Variants in RNGTT observed in about 807,000 individuals in gnomAD.
The protein encoded by RNGTT is RNA guanylyltransferase and 5'-phosphatase, also known as mRNA-capping enzyme.
In RNGTT, 33 loss-of-function variants were observed where a neutral mutation model predicts 79.3. The ratio of observed to expected loss-of-function variants is 0.42; its 90% CI spans 0.32 to 0.56. The LOEUF (loss-of-function observed/expected upper bound fraction) is 0.56, where lower values mean the gene tolerates loss of function less well. Among genes scored for constraint, RNGTT ranks in the 20% least tolerant of loss-of-function variants. RNGTT has a pLI of 0.17. For missense variants in RNGTT, 497 were observed against 739.1 expected, an observed-to-expected ratio of 0.67 and a Z score of 3.80; for synonymous variants, 222 against 235.9, an observed-to-expected ratio of 0.94 and a Z score of 0.54.
chr6:88,614,078 A>G (rs960718513), intron 15 of RNGTT, among the ~76,000 whole-genome samples, 194 bp downstream of exon 15: 2 of 152,250 alleles, frequency 1.3e-5, no homozygotes, highest in African/African-American at 4.8e-5. Flanking sequence ...CAAGATCACC[A>G]GTTTAGAGAG....
chr6:88,890,191 G>A (rs1364455334), intron 8 of RNGTT, among the ~76,000 whole-genome samples: 2 of 152,052 alleles, frequency 1.3e-5, no homozygotes, highest in Admixed American at 1.3e-4. Context: ...AAACAAGGCA[G>A]TGGGCAGCAG....
intron 12 of RNGTT, among the ~76,000 whole-genome samples, chr6:88,787,072 TA>T (rs1314894292): frequency 2.0e-5 from 3 of 152,234 alleles, no homozygotes; most frequent in African/African-American, 7.2e-5. Context: ...CTGTTGTTTA[TA>T]AGCCACTCGG....
chr6:88,893,811 C>A (rs1257250152), intron 6 of RNGTT, among the ~76,000 whole-genome samples: 2 of 151,108 alleles, frequency 1.3e-5, no homozygotes, highest in African/African-American at 4.9e-5. Flanking sequence ...GGTAGAAGTC[C>A]AATAAAAAAA....
chr6:88,886,415 G>C (rs1013822088), intron 8 of RNGTT, among the ~76,000 whole-genome samples: 1 of 152,170 alleles, frequency 6.6e-6, no homozygotes, highest in African/African-American at 2.4e-5. Flanking sequence ...GACACTTTTG[G>C]TGAAATCTGA....
intron 2 of RNGTT, among the ~76,000 whole-genome samples, chr6:88,934,080 A>C (rs1378518060): frequency 6.6e-6 from 1 of 152,134 alleles, no homozygotes; most frequent in Admixed American, 6.6e-5. Flanking sequence ...CCCAGGCTGG[A>C]GTGCAGTAGC....
chr6:88,773,206 A>C (rs1187975728), intron 12 of RNGTT, among the ~76,000 whole-genome samples: 4 of 151,080 alleles, frequency 2.6e-5, no homozygotes, highest in Non-Finnish European at 2.9e-5. Flanking sequence ...CATTCTCAGT[A>C]AACTATCGCA....
chr6:88,739,792 C>T (rs1277042439), intron 13 of RNGTT, among the ~76,000 whole-genome samples: 2 of 126,092 alleles, frequency 1.6e-5, no homozygotes, highest in South Asian at 2.6e-4. Context: ...AACACATGCT[C>T]CATTTATCTA....
At chr6:88,772,068 C>T (rs987924139) in intron 12 of RNGTT, among the ~76,000 whole-genome samples, 2 of 151,704 alleles carry the variant, frequency 1.3e-5, no homozygotes, top group East Asian at 1.9e-4. Context: ...AGTCCCGGCT[C>T]CTTAGGAGAC....
At chr6:88,796,041 T>C (rs1779590959) in intron 12 of RNGTT, among the ~76,000 whole-genome samples, 2 of 152,196 alleles carry the variant, frequency 1.3e-5, no homozygotes, top group African/African-American at 4.8e-5. Context: ...CTTACACACA[T>C]GGCCACTGAG....
At chr6:88,721,457 T>C (rs1003718192) in intron 13 of RNGTT, among the ~76,000 whole-genome samples, 4 of 152,092 alleles carry the variant, frequency 2.6e-5, no homozygotes, top group African/African-American at 9.7e-5. Context: ...TCTTTTTTTA[T>C]ATATAGTAAC....
chr6:88,835,783 A>G (rs1237943624), intron 11 of RNGTT, among the ~76,000 whole-genome samples: 1 of 152,016 alleles, frequency 6.6e-6, no homozygotes, highest in Non-Finnish European at 1.5e-5. Context: ...GAGCAGGACA[A>G]AAAGTCAGTA....
In RNGTT at chr6:88,677,624, A is replaced by AT. The variant is rs752946111; in HGVS notation, c.1506+728dup. On this transcript the variant is annotated intron_variant, in intron 14 of 15. Transcript: ENST00000369485. ...TGGGACAACTGCCATGGCCAGCGAA[A>AT]TTTTTTTTTTTACTATTTTGTAGAG... Among the ~76,000 whole-genome samples the AT allele has an allele frequency of 9.3e-3, 1,382 of 148,210 alleles. 9 individuals are homozygous for AT. Among genetic ancestry groups the AT allele is most frequent in the Non-Finnish European group, 0.011 (724 of 66,738 alleles).
chr6:88,818,761 T>G (rs1385952732), intron 11 of RNGTT, among the ~76,000 whole-genome samples: 1 of 152,144 alleles, frequency 6.6e-6, no homozygotes, highest in Admixed American at 6.5e-5. Context: ...AAGAGAAAAA[T>G]AAATTTGTGA....
At chr6:88,635,218 G>A (rs890517380) in intron 14 of RNGTT, among the ~76,000 whole-genome samples, 2 of 152,044 alleles carry the variant, frequency 1.3e-5, no homozygotes, top group African/African-American at 4.8e-5. Flanking sequence ...ATGCTTACAA[G>A]TATATGTATT....
intron 14 of RNGTT, among the ~76,000 whole-genome samples, chr6:88,646,687 T>C (rs1272765933): frequency 6.6e-6 from 1 of 152,170 alleles, no homozygotes; most frequent in African/African-American, 2.4e-5. Context: ...GTTCATGTCC[T>C]TTGTAGGGAC....
chr6:88,916,772 A>G (rs1470470725), intron 4 of RNGTT, among the ~76,000 whole-genome samples: 1 of 152,190 alleles, frequency 6.6e-6, no homozygotes, highest in African/African-American at 2.4e-5. Context: ...ATTTTTTACT[A>G]TGTGGAGGCC....
At chr6:88,703,290 G>C (rs1003769811) in intron 13 of RNGTT, among the ~76,000 whole-genome samples, 1 of 152,138 alleles carries the variant, frequency 6.6e-6, no homozygotes, top group Non-Finnish European at 1.5e-5. Flanking sequence ...CAAAGACATG[G>C]AATCAACCTA....
At chr6:88,908,040 T>C (rs923043881) in intron 4 of RNGTT, among the ~76,000 whole-genome samples, 3 of 152,194 alleles carry the variant, frequency 2.0e-5, no homozygotes, top group African/African-American at 7.2e-5. Context: ...AGCCTGTATC[T>C]TTCTAATATT....
At chr6:88,752,920 A>C (rs1324383999) in intron 13 of RNGTT, among the ~76,000 whole-genome samples, 1 of 152,122 alleles carries the variant, frequency 6.6e-6, no homozygotes, top group Non-Finnish European at 1.5e-5. Context: ...AAGATTTCAT[A>C]ATCTAAACGT....
Sources: allele counts gnomAD v4.1 joint callset (sites outside exome capture counted in the v4.1 genomes callset), GRCh38; gene constraint gnomAD v4.1.1; transcripts MANE v1.5; gene names NCBI Gene and HGNC (gene_info 2026-07-23, HGNC 2026-07-21).